Variants in CTNNA1 observed in about 807,000 individuals in gnomAD.
CTNNA1 encodes catenin alpha-1.
A neutral mutation model predicts 98.4 loss-of-function variants in CTNNA1; 37 were observed. The observed-to-expected ratio is 0.38, with a 90% CI of 0.29 to 0.49. CTNNA1 has a LOEUF of 0.49. CTNNA1 is among the 20% of genes least tolerant of loss of function. The pLI is 0.95. For missense variants in CTNNA1, 761 were observed against 1,147.2 expected, an observed-to-expected ratio of 0.66 and a Z score of 4.86; for synonymous variants, 404 against 413.2, an observed-to-expected ratio of 0.98 and a Z score of 0.27.
chr5:138,844,424 T>C (rs1483443218), intron 7 of CTNNA1, among the ~76,000 whole-genome samples: 4 of 152,238 alleles, frequency 2.6e-5, no homozygotes, highest in Non-Finnish European at 2.9e-5. Flanking sequence ...TTGAATTTAA[T>C]AAATGGCAGT....
intron 9 of CTNNA1, among the ~76,000 whole-genome samples, chr5:138,899,876 T>C (rs1368367315): frequency 2.0e-5 from 3 of 152,246 alleles, no homozygotes; most frequent in African/African-American, 7.2e-5. Flanking sequence ...AAGTGTACAA[T>C]TCAGATTTTG....
At chr5:138,878,426 C>T (rs571011638) in intron 7 of CTNNA1, among the ~76,000 whole-genome samples, 3 of 152,170 alleles carry the variant, frequency 2.0e-5, no homozygotes, top group South Asian at 2.1e-4. Context: ...AGCTTTTTTC[C>T]GCAAACATAT....
At chr5:138,834,078 G>A (rs1172398102) in intron 7 of CTNNA1, among the ~76,000 whole-genome samples, 2 of 152,166 alleles carry the variant, frequency 1.3e-5, no homozygotes, top group Non-Finnish European at 2.9e-5. Flanking sequence ...AAGATATATT[G>A]TTATTATAGT....
chr5:138,773,098 A>G (rs1284075219), intron 1 of CTNNA1, among the ~76,000 whole-genome samples: 1 of 152,214 alleles, frequency 6.6e-6, no homozygotes, highest in African/African-American at 2.4e-5. Flanking sequence ...AGATTTTAAG[A>G]TACTTTTATT....
intron 7 of CTNNA1, among the ~76,000 whole-genome samples, chr5:138,867,042 G>A (rs941612724): frequency 2.6e-5 from 4 of 152,210 alleles, no homozygotes; most frequent in Non-Finnish European, 5.9e-5. Context: ...TAAATCAGAT[G>A]TAGCTTTAAA....
At position 138,755,845 on chromosome 5, in the gene CTNNA1, CTTTTTTTTTTTTTTTTT is replaced by C. The variant is rs60260246; in HGVS notation, c.-3+2354_-3+2370del. Reference sequence around the variant, plus strand: ...CCTGCCCGGGTTTTGGGATTTCCTTCTTTTTTTTTTTTTTTTTTTTTTTTTTTTTTTTTTTGATGGAG... The same window carrying C: ...CCTGCCCGGGTTTTGGGATTTCCTTCTTTTTTTTTTTTTTTTTTGATGGAG... On this transcript the variant is annotated intron_variant, in intron 1 of 17. Transcript: ENST00000302763. Among the ~76,000 whole-genome samples, 17 of 58,462 alleles carry C rather than the reference CTTTTTTTTTTTTTTTTT, an allele frequency of 2.9e-4. 1 individual carries two copies. The highest frequency in any genetic ancestry group is 6.9e-4 in the African/African-American group (11 of 16,026). 38.4% of individuals were successfully genotyped at this position (58,462 alleles called of 152,430 possible). A position where few individuals can be genotyped will look rare whatever the true frequency, so the allele number is the denominator to read the frequency against.
intron 11 of CTNNA1, among the ~76,000 whole-genome samples, chr5:138,922,611 A>G (rs943569522): frequency 6.6e-6 from 1 of 152,164 alleles, no homozygotes; most frequent in Non-Finnish European, 1.5e-5. Context: ...TAGTGGACCT[A>G]TGCTGTTTCC....
At chr5:138,839,407 G>A (rs902888812) in intron 7 of CTNNA1, among the ~76,000 whole-genome samples, 1 of 151,638 alleles carries the variant, frequency 6.6e-6, no homozygotes, top group Non-Finnish European at 1.5e-5. Context: ...TCCCATGTTG[G>A]CCAGGCTGGT....
chr5:138,757,962 C>G (rs953383734), intron 1 of CTNNA1, among the ~76,000 whole-genome samples: 11 of 152,102 alleles, frequency 7.2e-5, no homozygotes, highest in Non-Finnish European at 1.6e-4. Context: ...ATGAAATCCT[C>G]TCCATGCAGT....
intron 7 of CTNNA1, among the ~76,000 whole-genome samples, chr5:138,868,512 T>C (rs1025873294): frequency 2.3e-4 from 35 of 152,106 alleles, no homozygotes; most frequent in Non-Finnish European, 3.5e-4. Context: ...GCCAAGTCGC[T>C]GTTGGCTAGA....
At chr5:138,920,560 C>CCCA (rs1295003634) in intron 11 of CTNNA1, among the ~76,000 whole-genome samples, 1 of 152,224 alleles carries the variant, frequency 6.6e-6, no homozygotes, top group Non-Finnish European at 1.5e-5. Flanking sequence ...GGCTTCATAG[C>CCCA]TTTTACTAAA....
chr5:138,802,968 A>AT (rs11314350), intron 3 of CTNNA1, among the ~76,000 whole-genome samples: 1,943 of 150,250 alleles, frequency 0.013, 36 homozygotes, highest in African/African-American at 0.045. Context: ...TAGCTAATTA[A>AT]TTTTTTTTTT....
chr5:138,823,681 G>A (rs996116121), intron 5 of CTNNA1, among the ~76,000 whole-genome samples: 7 of 152,194 alleles, frequency 4.6e-5, no homozygotes, highest in South Asian at 2.1e-4. Context: ...AACTTGGCTG[G>A]GCGCGGTGGC....
At chr5:138,771,867 AT>A (rs1226953291) in intron 1 of CTNNA1, among the ~76,000 whole-genome samples, 2 of 152,092 alleles carry the variant, frequency 1.3e-5, no homozygotes, top group Non-Finnish European at 2.9e-5. Context: ...TAATTTCTAA[AT>A]TTCCTGATTT....
intron 7 of CTNNA1, chr5:138,881,210 C>G: frequency 4.7e-6 from 2 of 425,206 alleles, no homozygotes; most frequent in South Asian, 3.3e-5. Context: ...AGTGTCTGTT[C>G]TGCTCTTTGT....
chr5:138,757,780 C>G (rs1751841416), intron 1 of CTNNA1, among the ~76,000 whole-genome samples: 1 of 152,080 alleles, frequency 6.6e-6, no homozygotes, highest in Non-Finnish European at 1.5e-5. Flanking sequence ...AAATTAGATG[C>G]TTGTTGAGTG....
chr5:138,892,798 C>T (rs1755757763), intron 9 of CTNNA1, among the ~76,000 whole-genome samples: 1 of 151,878 alleles, frequency 6.6e-6, no homozygotes, highest in Non-Finnish European at 1.5e-5. Context: ...AGGCAGATCC[C>T]CTGAGGTCAG....
chr5:138,932,734 AG>A, intron 17 of CTNNA1, 22 bp downstream of exon 17: 1 of 1,613,826 alleles, frequency 6.2e-7, no homozygotes, highest in East Asian at 2.2e-5. Context: ...CTGAACAAAA[AG>A]AGGGCCAGTG....
chr5:138,848,182 C>T (rs960188677), intron 7 of CTNNA1, among the ~76,000 whole-genome samples: 2 of 152,180 alleles, frequency 1.3e-5, no homozygotes, highest in Non-Finnish European at 2.9e-5. Flanking sequence ...GACAGCTGCA[C>T]TGAGCATGAA....
Sources: gnomAD v4.1 joint callset for allele counts (sites outside exome capture counted in the v4.1 genomes callset) on GRCh38, gnomAD v4.1.1 for gene constraint, MANE v1.5 for transcripts, NCBI Gene and HGNC (gene_info 2026-07-23, HGNC 2026-07-21) for gene names.